Variants in SLC39A11 observed in about 807,000 individuals in gnomAD.
The protein encoded by SLC39A11 is solute carrier family 39 member 11.
Under a neutral mutation model 36.1 loss-of-function variants are expected in SLC39A11, and 33 were observed. That is an observed-to-expected ratio of 0.91 (90% CI 0.69 to 1.22). The LOEUF (loss-of-function observed/expected upper bound fraction) is 1.22, where lower values mean the gene tolerates loss of function less well. SLC39A11 is among the 50% of genes most tolerant of loss of function. SLC39A11 has a pLI of 0.00. For missense variants in SLC39A11, 432 were observed against 430.3 expected (o/e 1.00, Z -0.03); for synonymous variants, 166 against 170.3 (o/e 0.97, Z 0.20).
intron 5 of SLC39A11, among the ~76,000 whole-genome samples, chr17:72,922,884 C>G (rs1221920919): frequency 7.0e-6 from 1 of 142,098 alleles, no homozygotes; most frequent in Non-Finnish European, 1.5e-5. Context: ...ACGAGAATTC[C>G]TTGAACCCGG....
intron 6 of SLC39A11, among the ~76,000 whole-genome samples, chr17:72,806,081 C>T (rs1206183738): frequency 3.9e-5 from 6 of 152,132 alleles, no homozygotes; most frequent in Non-Finnish European, 7.4e-5. Flanking sequence ...ACCAACCTGA[C>T]TTTAAAGCTG....
At chr17:72,968,201 G>T (rs1239297165) in intron 4 of SLC39A11, among the ~76,000 whole-genome samples, 1 of 152,206 alleles carries the variant, frequency 6.6e-6, no homozygotes, top group Non-Finnish European at 1.5e-5. Flanking sequence ...AAGCGGGAAA[G>T]CAGGAAGGGA....
intron 5 of SLC39A11, among the ~76,000 whole-genome samples, chr17:72,915,119 C>T (rs1039170502): frequency 2.6e-5 from 4 of 152,130 alleles, no homozygotes; most frequent in Admixed American, 6.6e-5. Flanking sequence ...ACCCACCCCA[C>T]GTATTAATCA....
intron 7 of SLC39A11, among the ~76,000 whole-genome samples, chr17:72,649,520 C>T (rs987492740): frequency 6.6e-6 from 1 of 152,266 alleles, no homozygotes; most frequent in Admixed American, 6.5e-5. Context: ...CCTTACAATG[C>T]TTTGCTACAG....
chr17:73,045,386 T>TAAAA lies in SLC39A11; in HGVS notation c.148-13676_148-13673dup, dbSNP rs374832995. Among the ~76,000 whole-genome samples, 28 of 41,726 alleles carry TAAAA rather than the reference T, an allele frequency of 6.7e-4. 3 individuals carry two copies. Among genetic ancestry groups the TAAAA allele is most frequent in the South Asian group, 4.2e-3 (2 of 474 alleles). The allele number at this position is 41,726 out of a possible 152,430, so 27.4% of individuals were successfully genotyped here. On this transcript the variant is annotated intron_variant, in intron 3 of 9. Coordinates refer to ENST00000255559, the MANE Select transcript of SLC39A11 (RefSeq NM_139177.4). ...ACCTCCAGTGCCATGAAAACAGAGT[T>TAAAA]AAAAAAAAAAAAAAAAAAAAAAAAA... is the stretch of plus-strand genomic sequence containing the variant.
chr17:73,068,153 T>C (rs1252197060), intron 3 of SLC39A11: 10 of 1,298,470 alleles, frequency 7.7e-6, no homozygotes, highest in African/African-American at 1.5e-5. Flanking sequence ...GCCAGCAGGT[T>C]CCTCTGTTCC....
chr17:73,041,626 C>T (rs1478446900), intron 3 of SLC39A11, among the ~76,000 whole-genome samples: 4 of 152,222 alleles, frequency 2.6e-5, no homozygotes, highest in African/African-American at 9.7e-5. Context: ...CAGCATCTTC[C>T]CACATCTTCA....
chr17:72,930,297 T>A (rs1294181631), intron 5 of SLC39A11, among the ~76,000 whole-genome samples: 4 of 152,178 alleles, frequency 2.6e-5, no homozygotes, highest in Non-Finnish European at 5.9e-5. Context: ...TTTCCTCCAC[T>A]GGCCCAGTCC....
chr17:72,815,617 C>CA (rs778586880), intron 6 of SLC39A11, among the ~76,000 whole-genome samples: 27 of 144,696 alleles, frequency 1.9e-4, no homozygotes, highest in African/African-American at 4.1e-4. Context: ...AACTCTGTCT[C>CA]AAAAAAAAGA....
chr17:72,779,929 T>A (rs1250893674), intron 6 of SLC39A11, among the ~76,000 whole-genome samples: 1 of 152,104 alleles, frequency 6.6e-6, no homozygotes, highest in Non-Finnish European at 1.5e-5. Context: ...GGAACCCCTA[T>A]CTGTAATCCA....
chr17:72,994,271 T>A (rs1448978489), intron 4 of SLC39A11, among the ~76,000 whole-genome samples: 2 of 152,118 alleles, frequency 1.3e-5, no homozygotes, highest in Non-Finnish European at 2.9e-5. Flanking sequence ...CTATAGACAA[T>A]GATGTGGATA....
At chr17:72,763,509 C>A (rs934963657) in intron 6 of SLC39A11, among the ~76,000 whole-genome samples, 1 of 152,164 alleles carries the variant, frequency 6.6e-6, no homozygotes, top group Non-Finnish European at 1.5e-5. Context: ...TTAGATAACA[C>A]CTGTTAACAT....
intron 5 of SLC39A11, among the ~76,000 whole-genome samples, chr17:72,858,116 A>G (rs1176598594): frequency 6.6e-6 from 1 of 152,128 alleles, no homozygotes; most frequent in Non-Finnish European, 1.5e-5. Context: ...TGGGTTTTAG[A>G]CTTAAGTCTT....
At chr17:72,813,234 T>G (rs2077485081) in intron 6 of SLC39A11, among the ~76,000 whole-genome samples, 1 of 152,258 alleles carries the variant, frequency 6.6e-6, no homozygotes, top group Non-Finnish European at 1.5e-5. Flanking sequence ...AGATGACATC[T>G]GTTGCTCACA....
At chr17:72,811,904 T>C (rs1361306552) in intron 6 of SLC39A11, among the ~76,000 whole-genome samples, 2 of 152,214 alleles carry the variant, frequency 1.3e-5, no homozygotes, top group Non-Finnish European at 2.9e-5. Flanking sequence ...TGCTATTAGA[T>C]GAGAATGTAA....
At chr17:72,843,353 T>C (rs1359519729) in intron 6 of SLC39A11, among the ~76,000 whole-genome samples, 1 of 152,188 alleles carries the variant, frequency 6.6e-6, no homozygotes, top group African/African-American at 2.4e-5. Context: ...TCTCAAGGTT[T>C]ATGTCTCCCC....
At chr17:72,873,959 TCA>T (rs1370745766) in intron 5 of SLC39A11, among the ~76,000 whole-genome samples, 1 of 152,196 alleles carries the variant, frequency 6.6e-6, no homozygotes, top group Non-Finnish European at 1.5e-5. Context: ...TGCTCAGCTC[TCA>T]CTCTTTCTTG....
intron 4 of SLC39A11, among the ~76,000 whole-genome samples, chr17:72,988,294 A>AAC (rs914917610): frequency 5.3e-5 from 8 of 152,024 alleles, no homozygotes; most frequent in Admixed American, 2.0e-4. Flanking sequence ...CTCTGCTAAA[A>AAC]ACACACACAC....
chr17:72,829,091 C>T (rs1048695275), intron 6 of SLC39A11, among the ~76,000 whole-genome samples: 3 of 152,124 alleles, frequency 2.0e-5, no homozygotes, highest in Non-Finnish European at 2.9e-5. Context: ...GCGGCTCACA[C>T]CTGTAATCCC....
Sources: allele counts gnomAD v4.1 joint callset (sites outside exome capture counted in the v4.1 genomes callset), GRCh38; gene constraint gnomAD v4.1.1; transcripts MANE v1.5; gene names NCBI Gene and HGNC (gene_info 2026-07-23, HGNC 2026-07-21).